PCNX2: variants seen among roughly 807,000 people sequenced by gnomAD.
The protein encoded by PCNX2 is pecanex 2.
Under a neutral mutation model 223.8 loss-of-function variants are expected in PCNX2, and 168 were observed. The ratio of observed to expected loss-of-function variants is 0.75; its 90% CI spans 0.66 to 0.85. PCNX2 has a LOEUF of 0.85. PCNX2 is among the 40% of genes least tolerant of loss of function. PCNX2 has a pLI of 0.00. For missense variants in PCNX2, 2,507 were observed against 2,675.5 expected (o/e 0.94, Z 1.39); for synonymous variants, 1,006 against 1,052.6 (o/e 0.96, Z 0.86).
intron 13 of PCNX2, chr1:233,201,869 T>C (rs1335592663): frequency 5.9e-6 from 1 of 170,380 alleles, no homozygotes; most frequent in East Asian, 1.8e-4. Context: ...CAATGAAAAA[T>C]GGCATGAGGA....
At chr1:233,095,706 T>C (rs962382875) in intron 22 of PCNX2, 49 bp downstream of exon 22, 2 of 1,466,726 alleles carry the variant, frequency 1.4e-6, no homozygotes, top group African/African-American at 1.4e-5. Flanking sequence ...CTTGCTTCCG[T>C]AAAATGTGAA....
intron 4 of PCNX2, chr1:233,259,819 C>T (rs1659955054): frequency 1.1e-6 from 1 of 888,582 alleles, no homozygotes; most frequent in Non-Finnish European, 1.3e-6. Context: ...TGCATTGATA[C>T]TTATTTTTTA....
At chr1:233,192,419 G>C (rs951964347) in intron 15 of PCNX2, among the ~76,000 whole-genome samples, 2 of 151,938 alleles carry the variant, frequency 1.3e-5, no homozygotes, top group African/African-American at 4.8e-5. Context: ...ATCTTGGCTC[G>C]AAAAAAATTT....
chr1:233,117,666 T>C (rs1675494720), intron 21 of PCNX2, among the ~76,000 whole-genome samples: 1 of 149,916 alleles, frequency 6.7e-6, no homozygotes, highest in Non-Finnish European at 1.5e-5. Context: ...TCTCATGATA[T>C]AGACCAAAAT....
At chr1:233,129,761 C>T (rs544825738) in intron 21 of PCNX2, among the ~76,000 whole-genome samples, 2 of 152,214 alleles carry the variant, frequency 1.3e-5, no homozygotes, top group Admixed American at 6.5e-5. Context: ...ACACACCAAT[C>T]AGCACCCTGT....
intron 1 of PCNX2, among the ~76,000 whole-genome samples, chr1:233,284,366 A>G (rs946419353): frequency 5.9e-5 from 9 of 152,114 alleles, no homozygotes; most frequent in Non-Finnish European, 1.0e-4. Context: ...CACACCTTAC[A>G]GCTTTAATAC....
Position 233,080,924 on chromosome 1 carries a change from G to A in PCNX2, c.4076+9137C>T, listed in dbSNP as rs188565294. 1.8e-4 allele frequency among the ~76,000 whole-genome samples: 28 copies of A among 152,306 alleles called. 1 individual carries two copies. The South Asian group carries it at 1.9e-3, about 10-fold the overall frequency. On this transcript the variant is annotated intron_variant, in intron 23 of 33. Coordinates refer to ENST00000258229, the MANE Select transcript of PCNX2 (RefSeq NM_014801.4). ...GGAGGAAGATTCCTGAAGACTCCCT[G>A]TTAGCTCCCAGTTAAAATAAGAGCA... is the stretch of plus-strand genomic sequence containing the variant.
At chr1:233,246,297 A>T (rs576361421) in intron 8 of PCNX2, among the ~76,000 whole-genome samples, 1 of 152,304 alleles carries the variant, frequency 6.6e-6, no homozygotes, top group South Asian at 2.1e-4. Context: ...GATTTACTGC[A>T]GTCATCACCA....
At chr1:233,300,361 C>G (rs1662238985), upstream of PCNX2, among the ~76,000 whole-genome samples, 1 of 152,150 alleles carries the variant, frequency 6.6e-6, no homozygotes, top group Non-Finnish European at 1.5e-5. Flanking sequence ...AAATATTATG[C>G]AATTGAGAAT....
chr1:233,237,395 A>G (rs1008522384), intron 8 of PCNX2, among the ~76,000 whole-genome samples: 15 of 152,196 alleles, frequency 9.9e-5, no homozygotes, highest in Admixed American at 2.0e-4. Flanking sequence ...CACCTCTGCT[A>G]CCTAGCTGCA....
chr1:232,997,621 C>T (rs1218736639), intron 32 of PCNX2, among the ~76,000 whole-genome samples: 1 of 152,236 alleles, frequency 6.6e-6, no homozygotes, highest in Non-Finnish European at 1.5e-5. Flanking sequence ...CACCTCCTCC[C>T]CAGTGCAGAC....
chr1:232,993,242 G>A (rs910982674), intron 32 of PCNX2, among the ~76,000 whole-genome samples: 1 of 152,210 alleles, frequency 6.6e-6, no homozygotes, highest in African/African-American at 2.4e-5. Flanking sequence ...ATAAAGTCCA[G>A]GCTGAGGAGG....
Position 233,200,231 on chromosome 1 carries a change from A to T in PCNX2, c.2897T>A (p.Leu966His). 1 of 1,589,672 alleles carries T rather than the reference A, an allele frequency of 6.3e-7. No homozygotes were observed. ...AGTGTTGATTTGCGGGAAGAGCCCA[A>T]GGAGGGAAATAGCAGGGAAGCAATA... ...FLYCFPAISL[L>H]GLFPQINTFC... The change falls in exon 14 of 34, where the codon CTT becomes CAT. Residue 966 changes from leucine to histidine, a missense_variant. Leu to His is a moderately conservative substitution (Grantham distance 99, BLOSUM62 -3). Coordinates refer to ENST00000258229, the MANE Select transcript of PCNX2 (RefSeq NM_014801.4).
chr1:233,179,137 C>T lies in PCNX2; in HGVS notation c.3105G>A (p.Ser1035=), dbSNP rs369268969. 3.9e-5 allele frequency: 63 copies of T among 1,613,720 alleles called. No homozygotes were observed. The African/African-American group carries it at 6.1e-4, about 16-fold the overall frequency. ...GGGCGACCAAGAGGCCACAGAAGGC[C>T]GAAAACAGTGCCGGGATGTGTTGCA... is the stretch of plus-strand genomic sequence containing the variant. ...WSMQHIPALF[S]AFCGLLVALS... Residue 1035 remains serine (S), a synonymous_variant, in exon 16 of 34, where the codon TCG becomes TCA. Transcript: ENST00000258229.
Position 233,201,218 on chromosome 1 carries a change from T to C in PCNX2, c.2864-954A>G, listed in dbSNP as rs1158414477. 2.6e-5 allele frequency among the ~76,000 whole-genome samples: 4 copies of C among 151,900 alleles called. No individual in the cohort carries two copies. In the East Asian group the frequency reaches 5.8e-4, roughly 22 times the overall value. On this transcript the variant is annotated intron_variant, in intron 13 of 33. Coordinates refer to ENST00000258229, the MANE Select transcript of PCNX2 (RefSeq NM_014801.4). ...AAATTTTATGTCATGAACATGGCTATCTATAATAATAGGGGCTGTGGTTGG... is the reference window on the plus strand; with the variant it reads ...AAATTTTATGTCATGAACATGGCTACCTATAATAATAGGGGCTGTGGTTGG...
At chr1:233,226,356 G>A (rs956964812) in intron 10 of PCNX2, among the ~76,000 whole-genome samples, 3 of 152,090 alleles carry the variant, frequency 2.0e-5, no homozygotes, top group Non-Finnish European at 2.9e-5. Context: ...TGCAGCCTCC[G>A]CCTCCTGGGT....
Position 233,141,138 on chromosome 1 carries a change from G to A in PCNX2, c.3518-1283C>T, listed in dbSNP as rs147887349. On this transcript the variant is annotated intron_variant, in intron 19 of 33. Transcript: ENST00000258229. ...AAGAACAACTCACAAAAGAGAAAAA[G>A]TTCAAGCTGACAAAACAGCCTGTTC... 5.9e-3 allele frequency among the ~76,000 whole-genome samples: 901 copies of A among 152,260 alleles called. 4 individuals are homozygous for A. Among genetic ancestry groups the A allele is most frequent in the Non-Finnish European group, 8.4e-3 (572 of 68,014 alleles).
chr1:232,984,796 C>T, intron 33 of PCNX2: 1 of 247,526 alleles, frequency 4.0e-6, no homozygotes, highest in Non-Finnish European at 7.8e-6. Context: ...TCACTTCATG[C>T]ACACTTAGCC....
chr1:233,217,821 T>C, intron 12 of PCNX2, 78 bp downstream of exon 12: 1 of 1,544,018 alleles, frequency 6.5e-7, no homozygotes, highest in African/African-American at 1.4e-5. Flanking sequence ...ACTTGGCCCT[T>C]TGACTAGATT....
Sources: allele counts gnomAD v4.1 joint callset (sites outside exome capture counted in the v4.1 genomes callset), GRCh38; gene constraint gnomAD v4.1.1; transcripts MANE v1.5; gene names NCBI Gene and HGNC (gene_info 2026-07-23, HGNC 2026-07-21).